SYN3: variants seen among roughly 807,000 people sequenced by gnomAD.
The protein encoded by SYN3 is synapsin-3.
SYN3 carries 35 observed loss-of-function variants against 65.8 expected under a neutral mutation model. That is an observed-to-expected ratio of 0.53 (90% CI 0.41 to 0.70). SYN3 has a LOEUF of 0.70. Ranked by LOEUF, SYN3 falls within the 30% of genes least tolerant of loss-of-function variation. The pLI, the probability that SYN3 is intolerant of heterozygous loss-of-function variation, is 0.00. For synonymous variants in SYN3, 270 were observed against 292.9 expected, an observed-to-expected ratio of 0.92 and a Z score of 0.80; for missense variants, 680 against 749.0, an observed-to-expected ratio of 0.91 and a Z score of 1.08.
chr22:33,019,125 C>G (rs377749851), intron 1 of SYN3, among the ~76,000 whole-genome samples: 1 of 152,180 alleles, frequency 6.6e-6, no homozygotes. Context: ...GAAGCCCCCT[C>G]GTGACTTTCC....
chr22:32,958,820 A>C (rs1201547327), intron 3 of SYN3, among the ~76,000 whole-genome samples: 1 of 152,104 alleles, frequency 6.6e-6, no homozygotes, highest in Non-Finnish European at 1.5e-5. Context: ...CCTGCTTTTG[A>C]CTGTTTCACT....
intron 6 of SYN3, among the ~76,000 whole-genome samples, chr22:32,842,153 A>T (rs1331726296): frequency 2.6e-5 from 4 of 152,294 alleles, no homozygotes; most frequent in Admixed American, 1.3e-4. Flanking sequence ...TCACAGAGAA[A>T]CAGGGCAGCG....
intron 6 of SYN3, among the ~76,000 whole-genome samples, chr22:32,609,432 G>C (rs2059412168): frequency 6.6e-6 from 1 of 150,540 alleles, no homozygotes; most frequent in Admixed American, 6.6e-5. Context: ...TTATTTACCT[G>C]TGCAGAAATA....
chr22:32,634,607 G>A (rs895712987), intron 6 of SYN3, among the ~76,000 whole-genome samples: 15 of 152,168 alleles, frequency 9.9e-5, no homozygotes, highest in African/African-American at 3.6e-4. Flanking sequence ...TCCCTGCGAG[G>A]GGTTTCATGG....
intron 7 of SYN3, among the ~76,000 whole-genome samples, chr22:32,547,159 A>T (rs996828353): frequency 6.6e-6 from 1 of 151,724 alleles, no homozygotes; most frequent in Admixed American, 6.6e-5. Flanking sequence ...TCTTTGTCGT[A>T]TTTTTTGTAG....
chr22:32,572,431 CTTCCTT>C (rs2058785098), intron 7 of SYN3, among the ~76,000 whole-genome samples: 1 of 117,102 alleles, frequency 8.5e-6, no homozygotes. Flanking sequence ...TTCTTCCTTC[CTTCCTT>C]CCCTCCTTCC....
At chr22:33,018,432 T>TAA (rs1247343126) in intron 1 of SYN3, among the ~76,000 whole-genome samples, 1 of 152,100 alleles carries the variant, frequency 6.6e-6, no homozygotes, top group Non-Finnish European at 1.5e-5. Context: ...GCCCTAGCAC[T>TAA]AACCACTAGA....
rs1039983897 is a variant in SYN3, at chr22:32,827,541, A to G, written c.711+37374T>C. ...GCATGAATCTCATGTGAGCTTTACA[A>G]TGACCCCAGAGTGGGTGGGCAAGGG... is the stretch of plus-strand genomic sequence containing the variant. On this transcript the variant is annotated intron_variant, in intron 6 of 13. Coordinates refer to ENST00000358763, the MANE Select transcript of SYN3 (RefSeq NM_003490.4). Among the ~76,000 whole-genome samples, 14 of 152,334 alleles carry G rather than the reference A, an allele frequency of 9.2e-5. No individual in the cohort carries two copies. The East Asian group carries it at 2.7e-3, about 29-fold the overall frequency.
intron 6 of SYN3, among the ~76,000 whole-genome samples, chr22:32,799,556 T>C (rs991913638): frequency 6.6e-6 from 1 of 152,088 alleles, no homozygotes; most frequent in Non-Finnish European, 1.5e-5. Flanking sequence ...AACTGAAATG[T>C]GAAAAGAAAG....
intron 4 of SYN3, among the ~76,000 whole-genome samples, chr22:32,898,845 G>C (rs1319368961): frequency 1.3e-5 from 2 of 152,186 alleles, no homozygotes; most frequent in Non-Finnish European, 2.9e-5. Flanking sequence ...GCTCACGCCT[G>C]TAATCCCAAC....
At position 32,507,865 on chromosome 22, in the gene SYN3, C is replaced by T. The variant is rs746421926; in HGVS notation, c.*5827G>A. Among the ~76,000 whole-genome samples, 13 of 151,992 alleles carry T rather than the reference C, an allele frequency of 8.6e-5. No individual in the cohort carries two copies. The highest frequency in any genetic ancestry group is 1.2e-4 in the Non-Finnish European group (8 of 68,024). On this transcript the variant is annotated 3_prime_UTR_variant, in exon 14 of 14. Transcript: ENST00000358763. Reference sequence around the variant, plus strand: ...ACACAACAAATGTTTCTTCTAACATCCCCACAATATCACCCCTTACCACGA... The same window carrying T: ...ACACAACAAATGTTTCTTCTAACATTCCCACAATATCACCCCTTACCACGA...
intron 6 of SYN3, among the ~76,000 whole-genome samples, chr22:32,687,229 C>A (rs1269153621): frequency 6.6e-6 from 1 of 151,968 alleles, no homozygotes; most frequent in Non-Finnish European, 1.5e-5. Flanking sequence ...ATGGTGCAAT[C>A]TCGGCTCACT....
chr22:32,532,091 T>C (rs1414207498), intron 10 of SYN3, among the ~76,000 whole-genome samples: 1 of 152,250 alleles, frequency 6.6e-6, no homozygotes, highest in Admixed American at 6.5e-5. Context: ...GAGCTGGCCT[T>C]TGGGGGTCAG....
intron 6 of SYN3, among the ~76,000 whole-genome samples, chr22:32,777,069 G>T (rs135151): frequency 1.3e-5 from 2 of 152,092 alleles, no homozygotes; most frequent in Non-Finnish European, 2.9e-5. Flanking sequence ...ACCTCCTCCC[G>T]ACCTGCCCTT....
chr22:32,861,324 C>T (rs936029872), intron 6 of SYN3: 1 of 152,270 alleles, frequency 6.6e-6, no homozygotes, highest in African/African-American at 2.4e-5. Flanking sequence ...GTACCTTTCC[C>T]ATTGTGGTCA....
intron 7 of SYN3, among the ~76,000 whole-genome samples, chr22:32,568,956 T>G (rs1367256265): frequency 1.3e-5 from 2 of 152,220 alleles, no homozygotes; most frequent in African/African-American, 2.4e-5. Flanking sequence ...GTGTTTAGGC[T>G]GCACTATGAC....
At chr22:32,994,300 A>T (rs539066126) in intron 2 of SYN3, among the ~76,000 whole-genome samples, 1 of 152,058 alleles carries the variant, frequency 6.6e-6, no homozygotes, top group Non-Finnish European at 1.5e-5. Flanking sequence ...CAGGGCCAGG[A>T]CTGCGAGGGG....
At chr22:32,518,862 G>A (rs1489494625) in intron 12 of SYN3, among the ~76,000 whole-genome samples, 1 of 152,104 alleles carries the variant, frequency 6.6e-6, no homozygotes, top group East Asian at 1.9e-4. Flanking sequence ...AACCCTCAAT[G>A]CAATTCTATT....
At position 32,509,194 on chromosome 22, in the gene SYN3, G is replaced by T. The variant is rs531677910; in HGVS notation, c.*4498C>A. ...GGAAGATCTGGAAGAACTTTTCTGT[G>T]GCTGGTAGAGCTGTCCGCTAAGGCT... is the stretch of plus-strand genomic sequence containing the variant. On this transcript the variant is annotated 3_prime_UTR_variant, in exon 14 of 14. Coordinates refer to ENST00000358763, the MANE Select transcript of SYN3 (RefSeq NM_003490.4). 3.0e-4 allele frequency among the ~76,000 whole-genome samples: 45 copies of T among 152,276 alleles called. No individual in the cohort carries two copies. The highest frequency in any genetic ancestry group is 1.0e-3 in the African/African-American group (42 of 41,560).
Sources: gnomAD v4.1 joint callset for allele counts (sites outside exome capture counted in the v4.1 genomes callset) on GRCh38, gnomAD v4.1.1 for gene constraint, MANE v1.5 for transcripts, NCBI Gene and HGNC (gene_info 2026-07-23, HGNC 2026-07-21) for gene names.